FER: variants seen among roughly 807,000 people sequenced by gnomAD.
The protein encoded by FER is FER tyrosine kinase.
Under a neutral mutation model 111.0 loss-of-function variants are expected in FER, and 63 were observed. The ratio of observed to expected loss-of-function variants is 0.57; its 90% CI spans 0.46 to 0.70. FER has a LOEUF of 0.70. Ranked by LOEUF, FER falls within the 30% of genes least tolerant of loss-of-function variation. FER has a pLI of 0.00. For synonymous variants in FER, 327 were observed against 313.9 expected, an observed-to-expected ratio of 1.04 and a Z score of -0.44; for missense variants, 914 against 954.0, an observed-to-expected ratio of 0.96 and a Z score of 0.55.
intron 2 of FER, chr5:108,785,170 T>G (rs1015717855): frequency 6.6e-6 from 4 of 609,262 alleles, no homozygotes. Flanking sequence ...CCAACCACAT[T>G]GGCCACACAG....
chr5:108,960,935 A>G (rs1175245746), intron 13 of FER, among the ~76,000 whole-genome samples: 1 of 152,126 alleles, frequency 6.6e-6, no homozygotes, highest in Non-Finnish European at 1.5e-5. Flanking sequence ...TAAAAATACA[A>G]AAGTTAGCTG....
intron 2 of FER, among the ~76,000 whole-genome samples, chr5:108,774,441 G>T (rs1279088028): frequency 6.6e-6 from 1 of 152,092 alleles, no homozygotes; most frequent in Non-Finnish European, 1.5e-5. Flanking sequence ...GCTGGGTCAA[G>T]TTGTATTTCT....
chr5:109,090,671 G>C (rs1352333822), intron 16 of FER, among the ~76,000 whole-genome samples: 1 of 152,036 alleles, frequency 6.6e-6, no homozygotes, highest in African/African-American at 2.4e-5. Flanking sequence ...AGAAGTTCTG[G>C]AGTGAAAGAA....
At chr5:108,974,447 A>G (rs748194872) in intron 13 of FER, among the ~76,000 whole-genome samples, 2 of 152,174 alleles carry the variant, frequency 1.3e-5, no homozygotes, top group Non-Finnish European at 2.9e-5. Flanking sequence ...TTGAAGAACT[A>G]TTTGAAGGAT....
chr5:108,907,582 T>C (rs867100891), intron 10 of FER, among the ~76,000 whole-genome samples: 2 of 151,938 alleles, frequency 1.3e-5, no homozygotes, highest in African/African-American at 4.8e-5. Flanking sequence ...AGTGAGCCCC[T>C]GGGCCCGGCC....
intron 11 of FER, among the ~76,000 whole-genome samples, chr5:108,949,612 A>G (rs1163513492): frequency 3.9e-5 from 6 of 152,128 alleles, no homozygotes; most frequent in Non-Finnish European, 8.8e-5. Flanking sequence ...CTTAAAACAG[A>G]TGACAGAGAT....
At chr5:108,830,411 G>A (rs998950140) in intron 3 of FER, among the ~76,000 whole-genome samples, 5 of 152,264 alleles carry the variant, frequency 3.3e-5, no homozygotes, top group Admixed American at 1.3e-4. Context: ...TGGAGATTGC[G>A]TGACTGCACT....
chr5:109,007,362 A>G (rs370245684), intron 13 of FER, among the ~76,000 whole-genome samples: 5 of 152,322 alleles, frequency 3.3e-5, no homozygotes, highest in South Asian at 2.1e-4. Context: ...TCTTTTTAGC[A>G]TATAGTTCTG....
intron 5 of FER, among the ~76,000 whole-genome samples, chr5:108,845,698 G>T (rs893957107): frequency 6.6e-6 from 1 of 151,960 alleles, no homozygotes; most frequent in African/African-American, 2.4e-5. Flanking sequence ...GGCTTGCCTT[G>T]TTCCTGAACT....
At chr5:108,977,916 G>C (rs1019307976) in intron 13 of FER, among the ~76,000 whole-genome samples, 7 of 152,070 alleles carry the variant, frequency 4.6e-5, no homozygotes, top group Admixed American at 2.6e-4. Flanking sequence ...TACGATCTTG[G>C]CTCACTGCAG....
intron 2 of FER, among the ~76,000 whole-genome samples, chr5:108,778,274 C>G (rs911309600): frequency 3.3e-5 from 5 of 152,118 alleles, no homozygotes; most frequent in Non-Finnish European, 2.9e-5. Context: ...GTTCAATGTT[C>G]AGGTTTTTGT....
rs985555384 is a variant in FER at position 109,191,396 on chromosome 5, C to T, written c.*3821C>T. ...GTTTGCCTCAGCCCTCTTCTTTTTA[C>T]GTATACTCCATTTATCATTGATATT... is the stretch of plus-strand genomic sequence containing the variant. On this transcript the variant is annotated 3_prime_UTR_variant, in exon 20 of 20. Coordinates refer to ENST00000281092, the MANE Select transcript of FER (RefSeq NM_005246.4). 24 of 152,056 alleles carry T rather than the reference C, an allele frequency of 1.6e-4. No individual in the cohort carries two copies. Among genetic ancestry groups the T allele is most frequent in the Non-Finnish European group, 1.5e-4 (10 of 68,004 alleles). The allele number at this position is 152,056 out of a possible 1,614,324, so 9.4% of individuals were successfully genotyped here.
intron 5 of FER, among the ~76,000 whole-genome samples, chr5:108,848,836 A>T (rs1762276240): frequency 6.6e-6 from 1 of 152,042 alleles, no homozygotes; most frequent in African/African-American, 2.4e-5. Context: ...GCTTACTTTT[A>T]ACATTTCTTG....
rs1747649286 is a variant in FER, at chr5:109,097,221, T to C, written c.1925-3175T>C. 2.6e-5 allele frequency among the ~76,000 whole-genome samples: 4 copies of C among 151,922 alleles called. No homozygotes were observed. In the South Asian group the frequency reaches 8.3e-4, roughly 31 times the overall value. ...AGTCTGACTTAAATGTCCATGTCTTTTCACCAAGTCATGCTATCTCCCTAG... is the reference window on the plus strand; with the variant it reads ...AGTCTGACTTAAATGTCCATGTCTTCTCACCAAGTCATGCTATCTCCCTAG... On this transcript the variant is annotated intron_variant, in intron 16 of 19. Transcript: ENST00000281092.
At chr5:109,035,992 G>A (rs1770338594) in intron 13 of FER, among the ~76,000 whole-genome samples, 1 of 152,096 alleles carries the variant, frequency 6.6e-6, no homozygotes, top group African/African-American at 2.4e-5. Context: ...AATTTCTTGA[G>A]CTGGGTTCTT....
At chr5:109,074,237 A>T (rs1184501446) in intron 16 of FER, among the ~76,000 whole-genome samples, 3 of 152,188 alleles carry the variant, frequency 2.0e-5, no homozygotes, top group East Asian at 1.9e-4. Flanking sequence ...AAGCAAAGAG[A>T]GACTAAGTAA....
intron 15 of FER, among the ~76,000 whole-genome samples, chr5:109,046,773 T>C (rs1387727273): frequency 6.6e-6 from 1 of 152,106 alleles, no homozygotes; most frequent in Non-Finnish European, 1.5e-5. Context: ...ATTTACATTA[T>C]ATTAGGTCTT....
Position 108,886,091 on chromosome 5 carries a change from A to G in FER, c.1046+2573A>G, listed in dbSNP as rs547522079. ...TAAAATTTAGTGGATATAAAGAAAG[A>G]AAATTGAAAGTGCTAACCATTTCAC... On this transcript the variant is annotated intron_variant, in intron 9 of 19. Coordinates refer to ENST00000281092, the MANE Select transcript of FER (RefSeq NM_005246.4). 2.7e-3 allele frequency among the ~76,000 whole-genome samples: 411 copies of G among 152,018 alleles called. 2 individuals are homozygous for G. Among genetic ancestry groups the G allele is most frequent in the African/African-American group, 9.3e-3 (387 of 41,538 alleles).
chr5:108,767,252 G>A (rs555062296), intron 1 of FER, among the ~76,000 whole-genome samples: 3 of 152,234 alleles, frequency 2.0e-5, no homozygotes, highest in Admixed American at 6.5e-5. Flanking sequence ...TGAGTGAGTC[G>A]AGATCATGCC....
Sources: gnomAD v4.1 joint callset for allele counts (sites outside exome capture counted in the v4.1 genomes callset) on GRCh38, gnomAD v4.1.1 for gene constraint, MANE v1.5 for transcripts, NCBI Gene and HGNC (gene_info 2026-07-23, HGNC 2026-07-21) for gene names.